IPMK: variants seen among roughly 807,000 people sequenced by gnomAD.
The protein encoded by IPMK is inositol 1,3,4,6-tetrakisphosphate 5-kinase.
In IPMK, 17 loss-of-function variants were observed where a neutral mutation model predicts 45.8. That is an observed-to-expected ratio of 0.37 (90% CI 0.25 to 0.56). The LOEUF (loss-of-function observed/expected upper bound fraction) is 0.56. Ranked by LOEUF, IPMK falls within the 20% of genes least tolerant of loss-of-function variation. IPMK has a pLI of 0.79. For missense variants in IPMK, 399 were observed against 498.0 expected (o/e 0.80, Z 1.89); for synonymous variants, 180 against 184.3 (o/e 0.98, Z 0.19).
chr10:58,211,190 GT>G (rs1450283682), intron 4 of IPMK, among the ~76,000 whole-genome samples: 249 of 115,722 alleles, frequency 2.2e-3, no homozygotes, highest in Middle Eastern at 4.2e-3. Context: ...TGATTACCCG[GT>G]TTTTTTTTTT....
chr10:58,250,697 G>A (rs1287432293), intron 1 of IPMK, among the ~76,000 whole-genome samples: 1 of 152,066 alleles, frequency 6.6e-6, no homozygotes, highest in Non-Finnish European at 1.5e-5. Context: ...TCCACTCCTA[G>A]GAGTAGGACT....
intron 5 of IPMK, among the ~76,000 whole-genome samples, chr10:58,197,344 C>CATACATACAT (rs56736647): frequency 1.4e-5 from 2 of 148,076 alleles, no homozygotes; most frequent in African/African-American, 5.0e-5. Context: ...AATACATAAA[C>CATACATACAT]ACATAAATAA....
chr10:58,219,201 AT>A (rs898124659), intron 3 of IPMK, among the ~76,000 whole-genome samples: 14 of 152,228 alleles, frequency 9.2e-5, no homozygotes, highest in Non-Finnish European at 1.3e-4. Context: ...CTAATCTTAC[AT>A]TTTTTTAAGT....
At chr10:58,249,416 T>A (rs1441967034) in intron 1 of IPMK, among the ~76,000 whole-genome samples, 1 of 152,190 alleles carries the variant, frequency 6.6e-6, no homozygotes, top group African/African-American at 2.4e-5. Context: ...TTAACTAGCA[T>A]GAGATAATAT....
intron 4 of IPMK, among the ~76,000 whole-genome samples, chr10:58,199,532 A>G (rs1422142313): frequency 1.3e-5 from 2 of 152,210 alleles, no homozygotes; most frequent in East Asian, 1.9e-4. Flanking sequence ...TCTCTGTAAT[A>G]TAAGGATAGA....
chr10:58,264,447 T>C (rs1189034169), intron 1 of IPMK, among the ~76,000 whole-genome samples: 1 of 152,186 alleles, frequency 6.6e-6, no homozygotes, highest in Non-Finnish European at 1.5e-5. Flanking sequence ...ACCCCATTTC[T>C]ACATCCTACA....
intron 1 of IPMK, among the ~76,000 whole-genome samples, chr10:58,262,305 G>A (rs1054799760): frequency 2.0e-5 from 3 of 152,086 alleles, no homozygotes; most frequent in African/African-American, 7.2e-5. Context: ...GAAGTAGTAT[G>A]GGTGTAGAAA....
At chr10:58,245,193 T>C (rs1436685469) in intron 1 of IPMK, among the ~76,000 whole-genome samples, 1 of 150,456 alleles carries the variant, frequency 6.6e-6, no homozygotes, top group African/African-American at 2.5e-5. Flanking sequence ...AGATAAATAC[T>C]ACATGATTAC....
chr10:58,195,832 A>G lies in IPMK; in HGVS notation c.*244T>C. On this transcript the variant is annotated 3_prime_UTR_variant, in exon 6 of 6. Coordinates refer to ENST00000373935, the MANE Select transcript of IPMK (RefSeq NM_152230.5). ...TTGAGCCAAAAAAGATGTTTAAGCC[A>G]TGTACCACCACATTCCCTGCTTAAC... 2 of 422,574 alleles carry G rather than the reference A, an allele frequency of 4.7e-6. No individual in the cohort carries two copies. Among genetic ancestry groups the G allele is most frequent in the South Asian group, 7.7e-5 (2 of 25,824 alleles). The allele number at this position is 422,574 out of a possible 1,614,324, so 26.2% of individuals were successfully genotyped here. A position where few individuals can be genotyped will look rare whatever the true frequency, so the allele number is the denominator to read the frequency against.
intron 1 of IPMK, among the ~76,000 whole-genome samples, chr10:58,263,501 G>T (rs1301423158): frequency 6.7e-6 from 1 of 149,364 alleles, no homozygotes; most frequent in Admixed American, 6.6e-5. Flanking sequence ...TCCAGCCTGG[G>T]CAACAGAGCA....
Position 58,217,694 on chromosome 10 carries a change from A to AAAAAAAAAAT in IPMK, c.374-1378_374-1377insATTTTTTTTT, listed in dbSNP as rs1838267451. 2.0e-5 allele frequency among the ~76,000 whole-genome samples: 3 copies of AAAAAAAAAAT among 149,914 alleles called. 1 individual carries two copies. Among genetic ancestry groups the AAAAAAAAAAT allele is most frequent in the African/African-American group, 7.4e-5 (3 of 40,804 alleles). ...CAAGAGCAAAACTCCATCTCAAAAAAAAAAAAAAAAAAAAAGAATCATCTC... is the reference window on the plus strand; with the variant it reads ...CAAGAGCAAAACTCCATCTCAAAAAAAAAAAAAAATAAAAAAAAAAAAAAAGAATCATCTC... On this transcript the variant is annotated intron_variant, in intron 3 of 5. Transcript: ENST00000373935.
At chr10:58,202,073 TTTTAACCTAAAATGCAAGGTGAAGCA>T (rs1463220521) in intron 4 of IPMK, among the ~76,000 whole-genome samples, 5 of 152,216 alleles carry the variant, frequency 3.3e-5, no homozygotes, top group African/African-American at 7.2e-5. Flanking sequence ...AAGACGTTGT[TTTTAACCTAAAATGCAAGGTGAAGCA>T]TTTAACCTAA....
chr10:58,211,832 G>GTA (rs71030402), intron 4 of IPMK, among the ~76,000 whole-genome samples: 9,171 of 130,010 alleles, frequency 0.071, 407 homozygotes, highest in Middle Eastern at 0.19. Context: ...GGAGGATCCG[G>GTA]AACCCAGGGG....
intron 4 of IPMK, among the ~76,000 whole-genome samples, chr10:58,211,185 A>G (rs1009355285): frequency 7.6e-6 from 1 of 132,302 alleles, no homozygotes. Context: ...AACAGTGATT[A>G]CCCGGTTTTT....
intron 1 of IPMK, among the ~76,000 whole-genome samples, chr10:58,259,063 A>AT (rs1052862271): frequency 1.3e-5 from 2 of 152,208 alleles, no homozygotes; most frequent in African/African-American, 2.4e-5. Context: ...CTGAATTTAA[A>AT]TTATAGGTAT....
At position 58,257,883 on chromosome 10, in the gene IPMK, T is replaced by C. The variant is rs552082712; in HGVS notation, c.190+9539A>G. Among the ~76,000 whole-genome samples the C allele has an allele frequency of 1.2e-4, 19 of 152,306 alleles. No homozygotes were observed. The East Asian group carries it at 2.7e-3, about 22-fold the overall frequency. On this transcript the variant is annotated intron_variant, in intron 1 of 5. Transcript: ENST00000373935. ...TAAAAAGGTCAGTTCATTAAGATGA[T>C]ATAAAAATCCTAAATAAGTGTGTAC...
At chr10:58,244,876 T>C (rs1188943014) in intron 1 of IPMK, among the ~76,000 whole-genome samples, 2 of 151,980 alleles carry the variant, frequency 1.3e-5, no homozygotes, top group African/African-American at 4.8e-5. Context: ...CACTCCCTAA[T>C]CTCAAGTACC....
At chr10:58,231,942 G>A (rs1838530253) in intron 2 of IPMK, among the ~76,000 whole-genome samples, 1 of 152,162 alleles carries the variant, frequency 6.6e-6, no homozygotes, top group African/African-American at 2.4e-5. Flanking sequence ...CATCTCACAT[G>A]CAAAGATGCA....
rs1051483103 is a variant in IPMK at position 58,199,428 on chromosome 10, C to T, written c.547-107G>A. On this transcript the variant is annotated intron_variant, in intron 4 of 5. Transcript: ENST00000373935. Reference sequence around the variant, plus strand: ...ATGAAATCTACTCAGGTAATTCATTCTAATAGATTTGAGAAGAAAAAAAAA... The same window carrying T: ...ATGAAATCTACTCAGGTAATTCATTTTAATAGATTTGAGAAGAAAAAAAAA... The T allele has an allele frequency of 5.1e-6, 3 of 584,126 alleles. No homozygotes were observed. In the Admixed American group the frequency reaches 1.2e-4, roughly 23 times the overall value. 36.2% of individuals were successfully genotyped at this position (584,126 alleles called of 1,614,324 possible). A position where few individuals can be genotyped will look rare whatever the true frequency, so the allele number is the denominator to read the frequency against.
Sources: gnomAD v4.1 joint callset for allele counts (sites outside exome capture counted in the v4.1 genomes callset) on GRCh38, gnomAD v4.1.1 for gene constraint, MANE v1.5 for transcripts, NCBI Gene and HGNC (gene_info 2026-07-23, HGNC 2026-07-21) for gene names.